CCPG1: variants seen among roughly 807,000 people sequenced by gnomAD.
CCPG1 encodes the protein cell cycle progression 1.
Under a neutral mutation model 81.3 loss-of-function variants are expected in CCPG1, and 46 were observed. The ratio of observed to expected loss-of-function variants is 0.57; its 90% CI spans 0.45 to 0.72. CCPG1 has a LOEUF of 0.72. CCPG1 is among the 30% of genes least tolerant of loss of function. The pLI is 0.00. For missense variants in CCPG1, 902 were observed against 937.6 expected (o/e 0.96, Z 0.50); for synonymous variants, 330 against 305.2 (o/e 1.08, Z -0.85).
intron 1 of CCPG1, among the ~76,000 whole-genome samples, chr15:55,406,700 G>A (rs987439402): frequency 1.3e-5 from 2 of 151,526 alleles, no homozygotes; most frequent in African/African-American, 4.8e-5. Flanking sequence ...CTCCCAAAGT[G>A]CTGGGATTAC....
Position 55,385,667 on chromosome 15 carries a change from A to G in CCPG1, c.108T>C (p.Cys36=). The change falls in exon 3 of 9, where the codon TGT becomes TGC. Residue 36 remains cysteine (C), a synonymous_variant. Transcript: ENST00000442196. ...MLNSVTPTDS[C]EPAPECSSLE... ...AAGATGAACATTCTGGGGCGGGCTCACAGCTGTCAGTGGGGGTCACAGAAT... is the reference window on the plus strand; with the variant it reads ...AAGATGAACATTCTGGGGCGGGCTCGCAGCTGTCAGTGGGGGTCACAGAAT... The G allele has an allele frequency of 6.2e-7, 1 of 1,612,726 alleles. No individual in the cohort carries two copies. The highest frequency in any genetic ancestry group is 1.1e-5 in the South Asian group (1 of 91,020).
chr15:55,390,068 C>T (rs1045088308), intron 1 of CCPG1, among the ~76,000 whole-genome samples: 2 of 152,156 alleles, frequency 1.3e-5, no homozygotes, highest in African/African-American at 4.8e-5. Context: ...GGACTACAGG[C>T]GCGTGCCACC....
rs753505319 is a variant in CCPG1 at position 55,359,783 on chromosome 15, T to C, written c.1990A>G (p.Met664Val). 1.2e-6 allele frequency: 2 copies of C among 1,613,236 alleles called. No individual in the cohort carries two copies. The highest frequency in any genetic ancestry group is 1.7e-5 in the Admixed American group (1 of 59,970). ...CAAAAAGTATCCAGTTCTTTTAACA[T>C]GTACCTTTGAATTATCTGTCTAAAT... ...DEFRQIIQRY[M>V]LKELDTFCHW... The change falls in exon 8 of 9, where the codon ATG becomes GTG. Residue 664 changes from methionine (M) to valine (V), a missense_variant. By Grantham distance (21) the Met-to-Val change is conservative. Around this residue, in one of 3 missense-constraint regions of CCPG1, gnomAD observed 746 missense variants for 728.6 expected, o/e 1.02. Transcript: ENST00000442196.
chr15:55,404,960 C>T (rs192082635), intron 1 of CCPG1, among the ~76,000 whole-genome samples: 2 of 152,074 alleles, frequency 1.3e-5, no homozygotes, highest in East Asian at 1.9e-4. Flanking sequence ...ATCCCAGCTA[C>T]GTGCCTGTAA....
At position 55,365,248 on chromosome 15, in the gene CCPG1, A is replaced by G. The variant is rs757190167; in HGVS notation, c.768T>C (p.Asn256=). ...LVRKIHEDEL[N]DMKDYLSQCQ... ...ACTGGGAAAGATAATCCTTCATATC[A>G]TTCAATTCATCTTCATGTATCTTTC... The change falls in exon 7 of 9, where the codon AAT becomes AAC. Residue 256 remains asparagine (N), a synonymous_variant. Transcript: ENST00000442196. 5 of 1,519,138 alleles carry G rather than the reference A, an allele frequency of 3.3e-6. No homozygotes were observed. The highest frequency in any genetic ancestry group is 4.5e-6 in the Non-Finnish European group (5 of 1,099,990). The allele number at this position is 1,519,138 out of a possible 1,614,324, so 94.1% of individuals were successfully genotyped here. A position where few individuals can be genotyped will look rare whatever the true frequency, so the allele number is the denominator to read the frequency against.
chr15:55,400,027 C>G (rs2057096733), intron 1 of CCPG1: 1 of 149,094 alleles, frequency 6.7e-6, no homozygotes, highest in African/African-American at 2.5e-5. Flanking sequence ...GTGGCAAAAC[C>G]CCATCTCTAC....
intron 1 of CCPG1, among the ~76,000 whole-genome samples, chr15:55,397,705 G>C (rs1360003105): frequency 1.3e-5 from 2 of 152,146 alleles, no homozygotes; most frequent in Admixed American, 6.5e-5. Context: ...GGCCGGGCAT[G>C]GTGGCTCACA....
chr15:55,373,750 A>G (rs964431647), intron 5 of CCPG1, among the ~76,000 whole-genome samples: 1 of 152,242 alleles, frequency 6.6e-6, no homozygotes, highest in African/African-American at 2.4e-5. Flanking sequence ...GCTTTCTGAC[A>G]TAAAATTAAG....
At chr15:55,389,590 T>G (rs1170933797) in intron 1 of CCPG1, among the ~76,000 whole-genome samples, 157 bp from the exon 2 acceptor site, 2 of 152,170 alleles carry the variant, frequency 1.3e-5, no homozygotes, top group Non-Finnish European at 2.9e-5. Context: ...ATGACAGGAC[T>G]GCATACCTGT....
intron 2 of CCPG1, among the ~76,000 whole-genome samples, chr15:55,388,007 C>T (rs1185096962): frequency 3.3e-5 from 5 of 151,068 alleles, no homozygotes; most frequent in South Asian, 2.1e-4. Flanking sequence ...CAAAATTAGT[C>T]GGGCGTGGTG....
intron 3 of CCPG1, among the ~76,000 whole-genome samples, chr15:55,381,069 G>A (rs1340719676): frequency 7.9e-5 from 12 of 151,866 alleles, no homozygotes; most frequent in Non-Finnish European, 1.2e-4. Flanking sequence ...CCCGGGAGGC[G>A]GAGCTTGCAG....
intron 1 of CCPG1, among the ~76,000 whole-genome samples, chr15:55,396,105 G>T (rs1287309041): frequency 3.5e-5 from 5 of 143,288 alleles, no homozygotes; most frequent in African/African-American, 1.3e-4. Context: ...AGTGAGCCAA[G>T]ATCGCACCAC....
At chr15:55,405,123 G>T (rs1566987140) in intron 1 of CCPG1, among the ~76,000 whole-genome samples, 1 of 152,262 alleles carries the variant, frequency 6.6e-6, no homozygotes, top group East Asian at 1.9e-4. Context: ...CACTTTAGAA[G>T]GCTGAGGCAG....
intron 5 of CCPG1, 72 bp from the exon 6 acceptor site, chr15:55,372,116 A>T: frequency 7.0e-7 from 1 of 1,421,954 alleles, no homozygotes. Flanking sequence ...ATTATTTAGA[A>T]TAATCAATGC....
chr15:55,365,100 C>T (rs1203669954), intron 7 of CCPG1, 88 bp downstream of exon 7: 3 of 738,244 alleles, frequency 4.1e-6, no homozygotes, highest in African/African-American at 3.6e-5. Context: ...TACTGATTTA[C>T]TAATCTGCAC....
intron 6 of CCPG1, among the ~76,000 whole-genome samples, chr15:55,369,658 C>A (rs925214170): frequency 6.6e-6 from 1 of 152,140 alleles, no homozygotes; most frequent in African/African-American, 2.4e-5. Flanking sequence ...GTTATCCAGG[C>A]TTTTCATAGC....
At chr15:55,384,814 T>A (rs2141301106) in intron 3 of CCPG1, among the ~76,000 whole-genome samples, 1 of 152,296 alleles carries the variant, frequency 6.6e-6, no homozygotes, top group African/African-American at 2.4e-5. Context: ...AAATGTAGTA[T>A]CTGCGAAGTA....
intron 3 of CCPG1, among the ~76,000 whole-genome samples, chr15:55,381,870 T>C (rs1368098177): frequency 6.6e-6 from 1 of 152,150 alleles, no homozygotes; most frequent in African/African-American, 2.4e-5. Flanking sequence ...CTCAGATATC[T>C]GCAAGTTCAG....
chr15:55,386,498 G>A (rs778890522), intron 2 of CCPG1, among the ~76,000 whole-genome samples: 7 of 152,094 alleles, frequency 4.6e-5, no homozygotes, highest in Non-Finnish European at 1.5e-5. Flanking sequence ...AGGTGATTCC[G>A]TCTTTCCCTA....
Sources: allele counts gnomAD v4.1 joint callset (sites outside exome capture counted in the v4.1 genomes callset), GRCh38; gene constraint gnomAD v4.1.1; regional missense constraint gnomAD v4.1.1; transcripts MANE v1.5; gene names NCBI Gene and HGNC (gene_info 2026-07-23, HGNC 2026-07-21).